The following ILDR1 variants were observed in gnomAD, a reference collection of about 807,000 sequenced individuals.
ILDR1 encodes immunoglobulin like domain containing receptor 1.
In ILDR1, 56 loss-of-function variants were observed where a neutral mutation model predicts 62.4. The observed-to-expected ratio is 0.90, with a 90% confidence interval of 0.72 to 1.12. ILDR1 has a LOEUF of 1.12. Among genes scored for constraint, ILDR1 ranks in the 50% most tolerant of loss-of-function variants. ILDR1 has a pLI of 0.00. For missense variants in ILDR1, 736 were observed against 710.6 expected (o/e 1.04, Z -0.41); for synonymous variants, 284 against 277.8 (o/e 1.02, Z -0.22).
At chr3:122,021,593 C>T (rs2071855851) in intron 1 of ILDR1, among the ~76,000 whole-genome samples, 1 of 152,204 alleles carries the variant, frequency 6.6e-6, no homozygotes, top group Non-Finnish European at 1.5e-5. Context: ...CATTGCTTTA[C>T]ATACTGAGGA....
chr3:122,018,981 G>A (rs1576737818), intron 1 of ILDR1, among the ~76,000 whole-genome samples: 2 of 152,134 alleles, frequency 1.3e-5, no homozygotes, highest in South Asian at 2.1e-4. Flanking sequence ...CTTAGGGGTC[G>A]GTTGTCTGAT....
At chr3:122,048,635 T>C in the ILDR1 span, among the ~76,000 whole-genome samples, 1 of 152,244 alleles carries the variant, frequency 6.6e-6, no homozygotes, top group South Asian at 2.1e-4. Context: ...TATCTATTTC[T>C]TTATGATTCA....
chr3:122,048,951 T>C, the ILDR1 span, among the ~76,000 whole-genome samples: 1 of 152,176 alleles, frequency 6.6e-6, no homozygotes, highest in Non-Finnish European at 1.5e-5. Flanking sequence ...TTATTTCCTT[T>C]CTCTGCTAAC....
At chr3:122,026,664 C>T (rs764253344), upstream of ILDR1, among the ~76,000 whole-genome samples, 1 of 152,110 alleles carries the variant, frequency 6.6e-6, no homozygotes, top group Admixed American at 6.5e-5. Flanking sequence ...AAGTCTGGGT[C>T]GGCAGGGACT....
In ILDR1 at chr3:121,998,912, T is replaced by C. The variant is rs16832651; in HGVS notation, c.646+2396A>G. Among the ~76,000 whole-genome samples, 134 of 152,300 alleles carry C rather than the reference T, an allele frequency of 8.8e-4. 2 individuals are homozygous for C. In the East Asian group the frequency reaches 0.017, roughly 19 times the overall value. On this transcript the variant is annotated intron_variant, in intron 5 of 7. Coordinates refer to ENST00000344209, the MANE Select transcript of ILDR1 (RefSeq NM_001199799.2). ...CTCTCACAAGTCAGATGAACATGGA[T>C]TCAACTCTGCAAAACCACTGCTACT...
chr3:121,997,216 AC>A (rs2071450097), intron 5 of ILDR1, among the ~76,000 whole-genome samples: 1 of 152,116 alleles, frequency 6.6e-6, no homozygotes, highest in Non-Finnish European at 1.5e-5. Context: ...CCTTCTTTTA[AC>A]CTATGGTCAC....
chr3:122,023,317 C>G (rs1279461918), upstream of ILDR1, among the ~76,000 whole-genome samples: 1 of 152,138 alleles, frequency 6.6e-6, no homozygotes, highest in Admixed American at 6.5e-5. Context: ...GACTTTAGGT[C>G]TCTTTGCACC....
chr3:122,001,671 T>G (rs1382447561), intron 4 of ILDR1, 74 bp downstream of exon 4: 52 of 1,586,798 alleles, frequency 3.3e-5, no homozygotes, highest in Non-Finnish European at 4.1e-5. Flanking sequence ...TTTCTGGTTT[T>G]TTTTTTTTTT....
Position 121,993,618 on chromosome 3 carries a change from G to A in ILDR1, c.1131C>T (p.His377=). ...GRSHHHYPDF[H]QELQDRGPKS... ...TTGGCCCCCGGTCCTGGAGCTCCTG[G>A]TGGAAATCAGGGTAATGGTGGTGGC... The change falls in exon 7 of 8, where the codon CAC becomes CAT. Residue 377 remains histidine (H), a synonymous_variant. Coordinates refer to ENST00000344209, the MANE Select transcript of ILDR1 (RefSeq NM_001199799.2). 1.9e-6 allele frequency: 3 copies of A among 1,614,192 alleles called. No individual in the cohort carries two copies. In the Middle Eastern group the frequency reaches 4.9e-4, roughly 266 times the overall value.
the ILDR1 span, among the ~76,000 whole-genome samples, chr3:122,060,582 G>A: frequency 1.2e-4 from 18 of 151,792 alleles, no homozygotes; most frequent in African/African-American, 3.1e-4. Flanking sequence ...GAGGAGTTCC[G>A]TTCAAGACCA....
the ILDR1 span, among the ~76,000 whole-genome samples, chr3:122,047,273 G>A: frequency 1.2e-4 from 19 of 152,278 alleles, no homozygotes; most frequent in Admixed American, 2.0e-4. Context: ...GCAGTCTGCC[G>A]GTTCTCAGAT....
intron 7 of ILDR1, among the ~76,000 whole-genome samples, chr3:121,989,356 G>T (rs761071455): frequency 6.6e-5 from 10 of 152,170 alleles, no homozygotes; most frequent in Non-Finnish European, 1.2e-4. Flanking sequence ...ACATTTTGTT[G>T]AAAGTAGGAG....
chr3:122,007,506 A>T (rs185075087), intron 1 of ILDR1, among the ~76,000 whole-genome samples: 147 of 152,306 alleles, frequency 9.7e-4, no homozygotes, highest in Non-Finnish European at 1.2e-3. Context: ...TTTTCCTCAC[A>T]TCATGTCTCT....
chr3:122,017,403 A>G (rs2071792105), intron 1 of ILDR1, among the ~76,000 whole-genome samples: 1 of 152,228 alleles, frequency 6.6e-6, no homozygotes, highest in African/African-American at 2.4e-5. Context: ...AGGACTTCAG[A>G]TAATGAAATA....
the ILDR1 span, among the ~76,000 whole-genome samples, chr3:122,040,631 G>C: frequency 6.7e-6 from 1 of 149,746 alleles, no homozygotes; most frequent in Non-Finnish European, 1.5e-5. Context: ...CAAAAATACA[G>C]TCAAGTGATA....
At chr3:122,023,658 C>A (rs2071896035), upstream of ILDR1, among the ~76,000 whole-genome samples, 2 of 152,164 alleles carry the variant, frequency 1.3e-5, no homozygotes, top group African/African-American at 4.8e-5. Context: ...CCGGTTCCCT[C>A]CTGGATCTGA....
Position 122,001,306 on chromosome 3 carries a change from A to T in ILDR1, c.646+2T>A. 6.2e-7 allele frequency: 1 copy of T among 1,613,992 alleles called. No individual in the cohort carries two copies. The highest frequency in any genetic ancestry group is 8.5e-7 in the Non-Finnish European group (1 of 1,179,992). On this transcript the variant is annotated splice_donor_variant, in intron 5 of 7. Coordinates refer to ENST00000344209, the MANE Select transcript of ILDR1 (RefSeq NM_001199799.2). LOFTEE classifies it high-confidence loss of function. Reference sequence around the variant, plus strand: ...TTCCACTGCTTGTCTGTCCCCTCTCACCTTCCTCAGGACAGCAGCAGTGGG... The same window carrying T: ...TTCCACTGCTTGTCTGTCCCCTCTCTCCTTCCTCAGGACAGCAGCAGTGGG...
intron 2 of ILDR1, among the ~76,000 whole-genome samples, chr3:122,006,026 G>T (rs1223619747): frequency 6.6e-6 from 1 of 151,930 alleles, no homozygotes; most frequent in East Asian, 1.9e-4. Flanking sequence ...CTCCTCCCTG[G>T]CCACTTAACC....
chr3:122,031,702 G>A, the ILDR1 span, among the ~76,000 whole-genome samples: 1 of 152,106 alleles, frequency 6.6e-6, no homozygotes, highest in African/African-American at 2.4e-5. Context: ...CTATGAACCA[G>A]GAAGTCTGTC....
Sources: allele counts gnomAD v4.1 joint callset (sites outside exome capture counted in the v4.1 genomes callset), GRCh38; gene constraint gnomAD v4.1.1; transcripts MANE v1.5; gene names NCBI Gene and HGNC (gene_info 2026-07-23, HGNC 2026-07-21).